CEP70: variants seen among roughly 807,000 people sequenced by gnomAD.
CEP70 encodes the protein centrosomal protein 70, also known as centrosomal protein of 70 kDa.
A neutral mutation model predicts 90.9 loss-of-function variants in CEP70; 70 were observed. The observed-to-expected ratio is 0.77, with a 90% CI of 0.64 to 0.94. The LOEUF is 0.94. CEP70 is among the 40% of genes least tolerant of loss of function. The pLI, the probability that CEP70 is intolerant of heterozygous loss-of-function variation, is 0.00. For synonymous variants in CEP70, 220 were observed against 228.3 expected (o/e 0.96, Z 0.33); for missense variants, 648 against 669.0 (o/e 0.97, Z 0.35).
chr3:138,508,661 A>T (rs1314179198), intron 11 of CEP70, 117 bp from the exon 12 acceptor site: 1 of 699,416 alleles, frequency 1.4e-6, no homozygotes, highest in Non-Finnish European at 2.6e-6. Flanking sequence ...CACTTTACTT[A>T]TATGTGTGTG....
At chr3:138,564,129 C>T (rs2040610225) in intron 6 of CEP70, among the ~76,000 whole-genome samples, 1 of 152,046 alleles carries the variant, frequency 6.6e-6, no homozygotes, top group South Asian at 2.1e-4. Flanking sequence ...ACACATACAC[C>T]CTCCCAAGTC....
intron 2 of CEP70, among the ~76,000 whole-genome samples, chr3:138,591,541 G>A (rs1399611070): frequency 1.3e-5 from 2 of 152,068 alleles, no homozygotes; most frequent in African/African-American, 4.8e-5. Context: ...ATAAAATAAG[G>A]ATAATAAAAG....
At chr3:138,574,041 G>A (rs933218836) in intron 2 of CEP70, among the ~76,000 whole-genome samples, 6 of 152,136 alleles carry the variant, frequency 3.9e-5, no homozygotes, top group Admixed American at 3.9e-4. Flanking sequence ...GAAGACAGGT[G>A]ATTTCTGCGT....
chr3:138,529,084 T>G, intron 10 of CEP70, 115 bp downstream of exon 10: 4 of 607,822 alleles, frequency 6.6e-6, no homozygotes, highest in South Asian at 2.2e-5. Flanking sequence ...AAAGATTGCT[T>G]GAGCCCTGGA....
chr3:138,520,946 T>C (rs1284347419), intron 11 of CEP70, among the ~76,000 whole-genome samples: 1 of 152,168 alleles, frequency 6.6e-6, no homozygotes, highest in African/African-American at 2.4e-5. Context: ...GTGCCTGGGA[T>C]TGCAGGTGTG....
intron 3 of CEP70, among the ~76,000 whole-genome samples, chr3:138,572,326 C>CT (rs2041232916): frequency 6.6e-6 from 1 of 152,096 alleles, no homozygotes; most frequent in Non-Finnish European, 1.5e-5. Flanking sequence ...CATAACTTTT[C>CT]TCTCATTTAT....
At chr3:138,507,989 G>T (rs1576547802) in intron 12 of CEP70, among the ~76,000 whole-genome samples, 1 of 152,088 alleles carries the variant, frequency 6.6e-6, no homozygotes, top group Admixed American at 6.6e-5. Context: ...TTCAATAAAT[G>T]ATCTATAAAA....
chr3:138,495,766 T>C (rs2033914996), intron 17 of CEP70: 2 of 475,196 alleles, frequency 4.2e-6, no homozygotes, highest in Non-Finnish European at 5.5e-6. Flanking sequence ...GCAGGAGAAT[T>C]GCTTGAACCC....
intron 12 of CEP70, among the ~76,000 whole-genome samples, chr3:138,506,803 G>A (rs1238371215): frequency 2.6e-5 from 4 of 152,200 alleles, no homozygotes; most frequent in African/African-American, 9.6e-5. Context: ...GTGCAGTGGT[G>A]TGAACGGAGC....
At chr3:138,533,883 C>T (rs996406936) in intron 7 of CEP70, among the ~76,000 whole-genome samples, 2 of 152,042 alleles carry the variant, frequency 1.3e-5, no homozygotes, top group African/African-American at 4.8e-5. Flanking sequence ...CTTCCAGGTT[C>T]ACCCCATTCT....
chr3:138,577,188 C>T (rs1166158490), intron 2 of CEP70, among the ~76,000 whole-genome samples: 1 of 151,940 alleles, frequency 6.6e-6, no homozygotes, highest in Non-Finnish European at 1.5e-5. Flanking sequence ...CACACCAGGG[C>T]CTGTCGTGGG....
At chr3:138,555,106 G>T (rs2039904450) in intron 6 of CEP70, among the ~76,000 whole-genome samples, 1 of 151,976 alleles carries the variant, frequency 6.6e-6, no homozygotes, top group Non-Finnish European at 1.5e-5. Context: ...TAAATTAGCT[G>T]GTCATGGTGG....
intron 2 of CEP70, among the ~76,000 whole-genome samples, chr3:138,588,014 T>G (rs528673281): frequency 6.6e-6 from 1 of 151,020 alleles, no homozygotes; most frequent in South Asian, 2.1e-4. Context: ...TTTTTTTCAA[T>G]AAATGATGCT....
At chr3:138,566,695 G>GAA (rs979433541) in intron 6 of CEP70, among the ~76,000 whole-genome samples, 29 of 152,004 alleles carry the variant, frequency 1.9e-4, no homozygotes, top group African/African-American at 7.0e-4. Context: ...AGCATTAGGA[G>GAA]AAATACCTAA....
chr3:138,556,974 G>C (rs2040056566), intron 6 of CEP70, among the ~76,000 whole-genome samples: 1 of 152,098 alleles, frequency 6.6e-6, no homozygotes, highest in Non-Finnish European at 1.5e-5. Context: ...TTATTTGGCG[G>C]GAATTTCCTC....
At chr3:138,581,215 G>A (rs6798058) in intron 2 of CEP70, among the ~76,000 whole-genome samples, 88,015 of 150,498 alleles carry the variant, frequency 0.58, 26,291 homozygotes, top group East Asian at 0.94. Context: ...CCAGGAGATG[G>A]AGGTTGCAGT....
At chr3:138,577,535 C>G (rs1242921519) in intron 2 of CEP70, among the ~76,000 whole-genome samples, 1 of 151,992 alleles carries the variant, frequency 6.6e-6, no homozygotes, top group African/African-American at 2.4e-5. Context: ...GTAATCCCAG[C>G]TACTTGAGAG....
rs761710462 is a variant in CEP70, at chr3:138,500,586, A to G, written c.1369-19T>C. The stretch of plus-strand genomic sequence containing the variant: ...TGCTGTCCTGTCCAAAAAAGAGGTA[A>G]AAAAGAAAGAGTTCATTATCTTAAA... On this transcript the variant is annotated intron_variant, in intron 14 of 17. Coordinates refer to ENST00000264982, the MANE Select transcript of CEP70 (RefSeq NM_024491.4). 1.0e-5 allele frequency: 16 copies of G among 1,566,986 alleles called. No homozygotes were observed. Among genetic ancestry groups the G allele is most frequent in the Non-Finnish European group, 1.4e-5 (16 of 1,166,102 alleles).
intron 7 of CEP70, among the ~76,000 whole-genome samples, chr3:138,533,348 T>C (rs372967771): frequency 6.6e-6 from 1 of 152,050 alleles, no homozygotes; most frequent in African/African-American, 2.4e-5. Flanking sequence ...TAACTTTGTA[T>C]GTCCTTAACA....
Sources: allele counts gnomAD v4.1 joint callset (sites outside exome capture counted in the v4.1 genomes callset), GRCh38; gene constraint gnomAD v4.1.1; transcripts MANE v1.5; gene names NCBI Gene and HGNC (gene_info 2026-07-23, HGNC 2026-07-21).